GBP4: variants seen among roughly 807,000 people sequenced by gnomAD.
GBP4 encodes guanylate binding protein 4.
GBP4 carries 69 observed loss-of-function variants against 62.2 expected under a neutral mutation model. That is an observed-to-expected ratio of 1.11 (90% CI 0.91 to 1.36). The LOEUF (loss-of-function observed/expected upper bound fraction) is 1.36. GBP4 is among the 40% of genes most tolerant of loss of function. The probability of loss-of-function intolerance (pLI) is 0.00; values close to 1 mark genes in which losing one functional copy is unlikely to be tolerated. For missense variants in GBP4, 697 were observed against 759.3 expected (o/e 0.92, Z 0.96); for synonymous variants, 278 against 274.6 (o/e 1.01, Z -0.12).
intron 3 of GBP4, 98 bp from the exon 4 acceptor site, chr1:89,193,510 G>A (rs1322827609): frequency 3.9e-6 from 4 of 1,023,852 alleles, no homozygotes; most frequent in Non-Finnish European, 4.4e-6. Flanking sequence ...TATGATAGTT[G>A]AATAATAGGG....
Position 89,191,626 on chromosome 1 carries a change from G to A in GBP4, c.671-120C>T. ...CCCTGCCTTGTAAATCTTGTTTTAT[G>A]CAATCATACAAAACAGCCTTGTGCT... On this transcript the variant is annotated intron_variant, in intron 5 of 10. Coordinates refer to ENST00000355754, the MANE Select transcript of GBP4 (RefSeq NM_052941.5). The A allele has an allele frequency of 3.9e-6, 4 of 1,013,772 alleles. No homozygotes were observed. The Admixed American group carries it at 1.1e-4, about 28-fold the overall frequency. 62.8% of individuals were successfully genotyped at this position (1,013,772 alleles called of 1,614,324 possible).
intron 2 of GBP4, among the ~76,000 whole-genome samples, chr1:89,196,860 C>G (rs1205560501): frequency 6.6e-6 from 1 of 152,082 alleles, no homozygotes; most frequent in Non-Finnish European, 1.5e-5. Flanking sequence ...GGGCTGAGCC[C>G]CTGAAGAGGT....
At position 89,185,119 on chromosome 1, in the gene GBP4, A is replaced by G; in HGVS notation, c.*135T>C. ...ATGTCAGGCCCTGATATTCTTTGAT[A>G]ATCACTTTTTAATTTTAAACTTTTC... On this transcript the variant is annotated 3_prime_UTR_variant, in exon 11 of 11. Transcript: ENST00000355754. The G allele has an allele frequency of 3.7e-6, 2 of 540,560 alleles. No homozygotes were observed. The highest frequency in any genetic ancestry group is 1.9e-5 in the African/African-American group (1 of 51,454). The allele number at this position is 540,560 out of a possible 1,614,324, so 33.5% of individuals were successfully genotyped here.
rs577283050 is a variant in GBP4 at position 89,181,427 on chromosome 1, A to C, written c.*3827T>G. ...ATTTTCACTTCTTTTGTGATTCTTC[A>C]CTTGCTTCAGGCCATCTGGACGTAT... On this transcript the variant is annotated 3_prime_UTR_variant, in exon 11 of 11. Transcript: ENST00000355754. The C allele has an allele frequency of 6.6e-6, 1 of 152,394 alleles. No individual in the cohort carries two copies. The highest frequency in any genetic ancestry group is 2.4e-5 in the African/African-American group (1 of 41,558). The allele number at this position is 152,394 out of a possible 1,614,324, so 9.4% of individuals were successfully genotyped here.
rs1648008494 is a variant in GBP4, at chr1:89,185,393, T to C, written c.1784A>G (p.Glu595Gly). 3.8e-6 allele frequency: 6 copies of C among 1,594,422 alleles called. No individual in the cohort carries two copies. The highest frequency in any genetic ancestry group is 3.4e-6 in the Non-Finnish European group (4 of 1,162,036). ...QLNKEINQLK[E>G]KIESTKNEQL... ...TTCATTTTTAGTGCTTTCAATTTTT[T>C]CTTTCAGTTGATTAATCTCTTTATT... The change falls in exon 11 of 11, where the codon GAA becomes GGA. Residue 595 changes from glutamate to glycine, a missense_variant. Physicochemically the swap from Glu to Gly is moderately conservative, Grantham distance 98. Transcript: ENST00000355754.
Position 89,182,174 on chromosome 1 carries a change from C to A in GBP4, c.*3080G>T, listed in dbSNP as rs1647898554. ...GGAGTTCATTCTGTAGCAGGATGAG[C>A]TGCAGACAAAACTTCTCAGACACCG... On this transcript the variant is annotated 3_prime_UTR_variant, in exon 11 of 11. Coordinates refer to ENST00000355754, the MANE Select transcript of GBP4 (RefSeq NM_052941.5). 6.6e-6 allele frequency: 1 copy of A among 152,196 alleles called. No homozygotes were observed. Among genetic ancestry groups the A allele is most frequent in the African/African-American group, 2.4e-5 (1 of 41,436 alleles). The allele number at this position is 152,196 out of a possible 1,614,324, so 9.4% of individuals were successfully genotyped here. A position where few individuals can be genotyped will look rare whatever the true frequency, so the allele number is the denominator to read the frequency against.
At chr1:89,194,788 G>A (rs942203286) in intron 3 of GBP4, among the ~76,000 whole-genome samples, 26 of 152,124 alleles carry the variant, frequency 1.7e-4, no homozygotes, top group Admixed American at 1.6e-3. Flanking sequence ...GAAAACTACT[G>A]AAATAGATTC....
Position 89,181,661 on chromosome 1 carries a change from T to G in GBP4, c.*3593A>C, listed in dbSNP as rs1377271730. ...TGTACATTAAAATTTTGATATACAA[T>G]TCCAACAGATCACTCTCACTAGCCA... On this transcript the variant is annotated 3_prime_UTR_variant, in exon 11 of 11. Transcript: ENST00000355754. 6.6e-6 allele frequency: 1 copy of G among 152,156 alleles called. No individual in the cohort carries two copies. The allele number at this position is 152,156 out of a possible 1,614,324, so 9.4% of individuals were successfully genotyped here.
rs1489954263 is a variant in GBP4, at chr1:89,195,338, G to A, written c.322C>T (p.Leu108=). The A allele has an allele frequency of 6.2e-7, 1 of 1,614,050 alleles. No individual in the cohort carries two copies. The highest frequency in any genetic ancestry group is 8.5e-7 in the Non-Finnish European group (1 of 1,179,942). Residue 108 remains leucine (L), a synonymous_variant, in exon 3 of 11, where the codon CTG becomes TTG. Coordinates refer to ENST00000355754, the MANE Select transcript of GBP4 (RefSeq NM_052941.5). Reference sequence around the variant, plus strand: ...AGGCCCTCGGTGTCCAGAAGGACCAGGGTGTGGTTTGGCTTAGAGAGGTGG... The same window carrying A: ...AGGCCCTCGGTGTCCAGAAGGACCAAGGTGTGGTTTGGCTTAGAGAGGTGG... ...VPHLSKPNHT[L]VLLDTEGLGD...
Position 89,184,939 on chromosome 1 carries a change from A to G in GBP4, c.*315T>C, listed in dbSNP as rs552811528. ...CATAACTGAAATTATTTCTGTGACT[A>G]TAATATAAATTGCAAATGGTTAATG... On this transcript the variant is annotated 3_prime_UTR_variant, in exon 11 of 11. Coordinates refer to ENST00000355754, the MANE Select transcript of GBP4 (RefSeq NM_052941.5). The G allele has an allele frequency of 5.4e-5, 11 of 202,608 alleles. No individual in the cohort carries two copies. Among genetic ancestry groups the G allele is most frequent in the Admixed American group, 5.1e-4 (9 of 17,550 alleles). The allele number at this position is 202,608 out of a possible 1,614,324, so 12.6% of individuals were successfully genotyped here. A position where few individuals can be genotyped will look rare whatever the true frequency, so the allele number is the denominator to read the frequency against.
intron 7 of GBP4, among the ~76,000 whole-genome samples, chr1:89,189,308 C>T (rs1648119099): frequency 1.3e-5 from 2 of 152,152 alleles, no homozygotes; most frequent in Non-Finnish European, 2.9e-5. Context: ...AAGTTACAAT[C>T]CAGTTGCATT....
intron 3 of GBP4, among the ~76,000 whole-genome samples, chr1:89,194,149 A>G (rs1312997761): frequency 6.6e-6 from 1 of 152,246 alleles, no homozygotes. Flanking sequence ...CCAAGTCAGA[A>G]TTGTCACAGC....
rs532171067 is a variant in GBP4 at position 89,190,501 on chromosome 1, C to T, written c.917-183G>A. Among the ~76,000 whole-genome samples the T allele has an allele frequency of 9.9e-5, 15 of 152,156 alleles. No individual in the cohort carries two copies. The South Asian group carries it at 2.7e-3, about 27-fold the overall frequency. ...AATTCAACTCTTTATAATAACATCC[C>T]TATTTTTCCTATTCACTCTTTTTTA... On this transcript the variant is annotated intron_variant, in intron 6 of 10. Coordinates refer to ENST00000355754, the MANE Select transcript of GBP4 (RefSeq NM_052941.5).
At position 89,188,813 on chromosome 1, in the gene GBP4, G is replaced by GA. The variant is rs1466484260; in HGVS notation, c.1198-20dup. ...TGGTGTCCTGCCAGAAAAATGTAGA[G>GA]AAAACAGTAGAAAGAAGCTGTTAGA... On this transcript the variant is annotated intron_variant, in intron 7 of 10. Transcript: ENST00000355754. 1 of 1,612,540 alleles carries GA rather than the reference G, an allele frequency of 6.2e-7. No homozygotes were observed. The highest frequency in any genetic ancestry group is 8.5e-7 in the Non-Finnish European group (1 of 1,179,058).
chr1:89,195,893 G>A (rs1013134277), intron 2 of GBP4, among the ~76,000 whole-genome samples: 3 of 152,176 alleles, frequency 2.0e-5, no homozygotes, highest in Non-Finnish European at 4.4e-5. Flanking sequence ...GAAATAAATG[G>A]CATGCAACAA....
intron 8 of GBP4, 143 bp from the exon 9 acceptor site, chr1:89,187,245 C>T (rs557167243): frequency 3.0e-5 from 20 of 672,266 alleles, no homozygotes; most frequent in Admixed American, 1.0e-4. Flanking sequence ...TTTTCTTCCA[C>T]AGCCACAAGA....
In GBP4 at chr1:89,195,766, A is replaced by C. The variant is rs963906204; in HGVS notation, c.236-342T>G. Among the ~76,000 whole-genome samples the C allele has an allele frequency of 3.9e-5, 6 of 152,308 alleles. No homozygotes were observed. The South Asian group carries it at 8.3e-4, about 21-fold the overall frequency. On this transcript the variant is annotated intron_variant, in intron 2 of 10. Coordinates refer to ENST00000355754, the MANE Select transcript of GBP4 (RefSeq NM_052941.5). ...CCATAGGTAGATTGTCTTAAAAGTC[A>C]GTAAGAACCAAAAGAGAAACCTGGT...
At position 89,183,888 on chromosome 1, in the gene GBP4, AAAAC is replaced by A. The variant is rs1213451711; in HGVS notation, c.*1362_*1365del. ...AAGTGAGACCCTGTTTCAAAAAACA[AAAAC>A]AAAACAAAATGAAACAATTAACAAA... On this transcript the variant is annotated 3_prime_UTR_variant, in exon 11 of 11. Transcript: ENST00000355754. 2.0e-5 allele frequency: 3 copies of A among 152,342 alleles called. No individual in the cohort carries two copies. The highest frequency in any genetic ancestry group is 4.8e-5 in the African/African-American group (2 of 41,568). The allele number at this position is 152,342 out of a possible 1,614,324, so 9.4% of individuals were successfully genotyped here.
chr1:89,189,751 C>A (rs572648153), intron 7 of GBP4, among the ~76,000 whole-genome samples: 26 of 152,338 alleles, frequency 1.7e-4, no homozygotes, highest in African/African-American at 6.3e-4. Flanking sequence ...GCACACTGAG[C>A]AGAGTACCCA....
Sources: gnomAD v4.1 joint callset for allele counts (sites outside exome capture counted in the v4.1 genomes callset) on GRCh38, gnomAD v4.1.1 for gene constraint, MANE v1.5 for transcripts, NCBI Gene and HGNC (gene_info 2026-07-23, HGNC 2026-07-21) for gene names.